SLC36A1: variants seen among roughly 807,000 people sequenced by gnomAD.
SLC36A1 encodes the protein solute carrier family 36 member 1.
SLC36A1 carries 30 observed loss-of-function variants against 47.5 expected under a neutral mutation model. The ratio of observed to expected loss-of-function variants is 0.63; its 90% CI spans 0.47 to 0.86. The LOEUF (loss-of-function observed/expected upper bound fraction) is 0.86. Among genes scored for constraint, SLC36A1 ranks in the 40% least tolerant of loss-of-function variants. SLC36A1 has a pLI of 0.00. For missense variants in SLC36A1, 517 were observed against 606.0 expected (o/e 0.85, Z 1.54); for synonymous variants, 255 against 249.7 (o/e 1.02, Z -0.20).
At chr5:151,501,313 G>A in the SLC36A1 span, among the ~76,000 whole-genome samples, 4 of 152,002 alleles carry the variant, frequency 2.6e-5, no homozygotes, top group Non-Finnish European at 4.4e-5. Flanking sequence ...CACTGCCTGC[G>A]TGGTGTCTCC....
the SLC36A1 span, among the ~76,000 whole-genome samples, chr5:151,502,935 A>T: frequency 6.7e-5 from 10 of 148,292 alleles, 1 homozygote. Context: ...AGCCCTGAAA[A>T]GATATGGAGG....
chr5:151,518,007 G>T, the SLC36A1 span, among the ~76,000 whole-genome samples: 1 of 152,038 alleles, frequency 6.6e-6, no homozygotes, highest in African/African-American at 2.4e-5. Context: ...TCCCAGGCTG[G>T]GTCAAGAAAT....
the SLC36A1 span, chr5:151,553,324 T>C: frequency 4.2e-5 from 68 of 1,614,242 alleles, no homozygotes; most frequent in South Asian, 4.7e-4. Context: ...GGCCAAGGGA[T>C]CCACTCAATG....
At chr5:151,384,289 G>A in the SLC36A1 span, among the ~76,000 whole-genome samples, 1 of 152,250 alleles carries the variant, frequency 6.6e-6, no homozygotes, top group African/African-American at 2.4e-5. Context: ...CCTTATCTGT[G>A]CTCCATGAAT....
At chr5:151,550,184 A>G in the SLC36A1 span, among the ~76,000 whole-genome samples, 208 of 152,346 alleles carry the variant, frequency 1.4e-3, 4 homozygotes, top group East Asian at 0.018. Flanking sequence ...CACATGGCCC[A>G]GAGAGTGAGC....
the SLC36A1 span, among the ~76,000 whole-genome samples, chr5:151,410,207 C>T: frequency 2.6e-5 from 4 of 151,806 alleles, no homozygotes; most frequent in East Asian, 1.9e-4. Flanking sequence ...GATTTGTTCA[C>T]GGCTGTATTA....
At chr5:151,364,576 C>T in the SLC36A1 span, among the ~76,000 whole-genome samples, 6 of 152,140 alleles carry the variant, frequency 3.9e-5, no homozygotes, top group Non-Finnish European at 8.8e-5. Flanking sequence ...TATTAAGGAT[C>T]TTAGAGTTTC....
chr5:151,347,260 G>C, the SLC36A1 span: 2 of 1,613,458 alleles, frequency 1.2e-6, no homozygotes, highest in East Asian at 2.2e-5. Context: ...CTTCAGGCTA[G>C]AAAGCAGAAA....
At chr5:151,358,606 C>A in the SLC36A1 span, among the ~76,000 whole-genome samples, 1 of 152,178 alleles carries the variant, frequency 6.6e-6, no homozygotes, top group Non-Finnish European at 1.5e-5. Flanking sequence ...ATCCCCAATT[C>A]CTCAACATTA....
chr5:151,499,490 T>G, the SLC36A1 span, among the ~76,000 whole-genome samples: 2 of 152,240 alleles, frequency 1.3e-5, no homozygotes, highest in African/African-American at 2.4e-5. Context: ...CTGCTGGGTC[T>G]TTTTTGCCCT....
At chr5:151,424,720 G>A in the SLC36A1 span, among the ~76,000 whole-genome samples, 39 of 151,918 alleles carry the variant, frequency 2.6e-4, no homozygotes, top group Non-Finnish European at 4.9e-4. Context: ...TTTGATTGTC[G>A]AGTATTCTAA....
chr5:151,376,728 G>C, the SLC36A1 span, among the ~76,000 whole-genome samples: 1 of 152,022 alleles, frequency 6.6e-6, no homozygotes, highest in Admixed American at 6.6e-5. Flanking sequence ...TGCCTCCCAG[G>C]TTCATGTGAT....
chr5:151,532,893 CT>C, the SLC36A1 span, among the ~76,000 whole-genome samples: 1 of 152,316 alleles, frequency 6.6e-6, no homozygotes, highest in South Asian at 2.1e-4. Context: ...GGAGTAGCCT[CT>C]GAGAAGAGTT....
upstream of SLC36A1, among the ~76,000 whole-genome samples, chr5:151,435,195 G>C (rs1210804475): frequency 6.6e-6 from 1 of 152,104 alleles, no homozygotes; most frequent in African/African-American, 2.4e-5. Context: ...CATTCAAAAG[G>C]GTTGCAGTGT....
the SLC36A1 span, chr5:151,545,308 G>A: frequency 4.3e-6 from 7 of 1,614,164 alleles, no homozygotes; most frequent in African/African-American, 2.7e-5. Flanking sequence ...AGCCCTGATG[G>A]TGAGCTTCCG....
chr5:151,488,374 C>G lies in SLC36A1; in HGVS notation c.*120C>G. ...AAGTCAGGGTTGCTGTGTGGGAACC[C>G]CTCTGCCTGGCACCTGGATACCCTG... On this transcript the variant is annotated 3_prime_UTR_variant, in exon 11 of 11. Coordinates refer to ENST00000243389, the MANE Select transcript of SLC36A1 (RefSeq NM_078483.4). 1 of 1,321,968 alleles carries G rather than the reference C, an allele frequency of 7.6e-7. No individual in the cohort carries two copies. The highest frequency in any genetic ancestry group is 2.6e-5 in the Admixed American group (1 of 37,950). 81.9% of individuals were successfully genotyped at this position (1,321,968 alleles called of 1,614,324 possible).
At chr5:151,411,297 C>G in the SLC36A1 span, among the ~76,000 whole-genome samples, 2 of 144,500 alleles carry the variant, frequency 1.4e-5, 1 homozygote, top group Non-Finnish European at 3.0e-5. Flanking sequence ...TCATGGATAC[C>G]TACGGGATGA....
At chr5:151,390,007 C>T in the SLC36A1 span, among the ~76,000 whole-genome samples, 1 of 152,220 alleles carries the variant, frequency 6.6e-6, no homozygotes, top group African/African-American at 2.4e-5. Flanking sequence ...AATGGTTGAA[C>T]TAGTTTACAG....
intron 2 of SLC36A1, among the ~76,000 whole-genome samples, chr5:151,461,362 G>A (rs903805088): frequency 1.6e-4 from 24 of 152,046 alleles, no homozygotes; most frequent in African/African-American, 4.8e-4. Context: ...TGACTGCTTC[G>A]AAGACAGCCT....
Sources: gnomAD v4.1 joint callset for allele counts (sites outside exome capture counted in the v4.1 genomes callset) on GRCh38, gnomAD v4.1.1 for gene constraint, MANE v1.5 for transcripts, NCBI Gene and HGNC (gene_info 2026-07-23, HGNC 2026-07-21) for gene names.